SEC24D: variants seen among roughly 807,000 people sequenced by gnomAD.
SEC24D encodes protein transport protein Sec24D.
SEC24D carries 69 observed loss-of-function variants against 116.9 expected under a neutral mutation model. The ratio of observed to expected loss-of-function variants is 0.59; its 90% CI spans 0.49 to 0.72. The LOEUF (loss-of-function observed/expected upper bound fraction) is 0.72. Ranked by LOEUF, SEC24D falls within the 30% of genes least tolerant of loss-of-function variation. The probability of loss-of-function intolerance (pLI) is 0.00; values close to 1 mark genes in which losing one functional copy is unlikely to be tolerated. For synonymous variants in SEC24D, 405 were observed against 442.8 expected (o/e 0.91, Z 1.07); for missense variants, 1,131 against 1,264.1 (o/e 0.89, Z 1.60).
chr4:118,779,102 C>T (rs1560683309), intron 8 of SEC24D, among the ~76,000 whole-genome samples: 2 of 152,252 alleles, frequency 1.3e-5, no homozygotes, highest in East Asian at 3.9e-4. Context: ...ATTTCTTTCC[C>T]TTGCCTGATT....
intron 2 of SEC24D, among the ~76,000 whole-genome samples, chr4:118,833,059 G>A (rs917427903): frequency 2.0e-5 from 3 of 152,170 alleles, no homozygotes; most frequent in Non-Finnish European, 4.4e-5. Flanking sequence ...ACCCCTTGCT[G>A]ATTCTGCACT....
In SEC24D at chr4:118,779,012, TAG is replaced by T. The variant is rs574436285; in HGVS notation, c.1042-10703_1042-10702del. Among the ~76,000 whole-genome samples the T allele has an allele frequency of 7.3e-3, 1,118 of 152,328 alleles. 15 individuals carry two copies. Among genetic ancestry groups the T allele is most frequent in the African/African-American group, 0.025 (1,030 of 41,570 alleles). On this transcript the variant is annotated intron_variant, in intron 8 of 22. Transcript: ENST00000280551. ...TTAAGGAGATTTGGGGCTGAAATGA[TAG>T]AGTTTTCTAAATATACAATCATGTC...
At chr4:118,833,886 T>C (rs139186408) in intron 1 of SEC24D, 149 bp from the exon 2 acceptor site, 10 of 515,478 alleles carry the variant, frequency 1.9e-5, no homozygotes, top group African/African-American at 1.2e-4. Flanking sequence ...TTATACAATA[T>C]ATCATTATCC....
rs570427272 is a variant in SEC24D, at chr4:118,773,977, T to C, written c.1042-5666A>G. On this transcript the variant is annotated intron_variant, in intron 8 of 22. Coordinates refer to ENST00000280551, the MANE Select transcript of SEC24D (RefSeq NM_014822.4). ...TTCTGAATTAAAAAATAAAATCCTATCATGTGTCTTCTAAAAAGAAACAGC... is the reference window on the plus strand; with the variant it reads ...TTCTGAATTAAAAAATAAAATCCTACCATGTGTCTTCTAAAAAGAAACAGC... Among the ~76,000 whole-genome samples, 9 of 152,212 alleles carry C rather than the reference T, an allele frequency of 5.9e-5. No individual in the cohort carries two copies. In the South Asian group the frequency reaches 1.9e-3, roughly 32 times the overall value.
In SEC24D at chr4:118,768,174, A is replaced by T; in HGVS notation, c.1179T>A (p.Asp393Glu). 1 of 1,612,102 alleles carries T rather than the reference A, an allele frequency of 6.2e-7. No individual in the cohort carries two copies. The highest frequency in any genetic ancestry group is 8.5e-7 in the Non-Finnish European group (1 of 1,179,184). The change falls in exon 9 of 23, where the codon GAT becomes GAA. Residue 393 changes from aspartate to glutamate, a missense_variant and splice_region_variant. By Grantham distance (45) the Asp-to-Glu change is conservative (BLOSUM62 2). Coordinates refer to ENST00000280551, the MANE Select transcript of SEC24D (RefSeq NM_014822.4). ...AGAGCTTTTAATGGCACTGCTTACC[A>T]TCATTCACACAGTTGCAAAATCCAC... ...YQCGFCNCVN[D>E]VPPFYFQHLD... is the part of the protein sequence containing the mutation.
At chr4:118,781,817 C>T (rs923900103) in intron 8 of SEC24D, among the ~76,000 whole-genome samples, 6 of 151,714 alleles carry the variant, frequency 4.0e-5, no homozygotes, top group African/African-American at 1.5e-4. Flanking sequence ...AAACTTCTCA[C>T]TTTATTTCAT....
rs188877721 is a variant in SEC24D at position 118,806,962 on chromosome 4, G to C, written c.802-1008C>G. Reference sequence around the variant, plus strand: ...TGATCGTGACACTGCATTCCAGCCTGGGCAACAGAGCAAGAGCCTATCTCA... The same window carrying C: ...TGATCGTGACACTGCATTCCAGCCTCGGCAACAGAGCAAGAGCCTATCTCA... On this transcript the variant is annotated intron_variant, in intron 6 of 22. Coordinates refer to ENST00000280551, the MANE Select transcript of SEC24D (RefSeq NM_014822.4). Among the ~76,000 whole-genome samples, 1,299 of 152,200 alleles carry C rather than the reference G, an allele frequency of 8.5e-3. 8 individuals are homozygous for C. Among genetic ancestry groups the C allele is most frequent in the Non-Finnish European group, 0.013 (872 of 68,020 alleles).
intron 22 of SEC24D, among the ~76,000 whole-genome samples, chr4:118,728,267 A>G (rs1274185049): frequency 1.6e-4 from 24 of 152,240 alleles, no homozygotes. Context: ...CACCAGAAGA[A>G]AAGTCACTTC....
At chr4:118,753,868 C>T (rs1469369892) in intron 11 of SEC24D, among the ~76,000 whole-genome samples, 1 of 152,130 alleles carries the variant, frequency 6.6e-6, no homozygotes, top group East Asian at 1.9e-4. Flanking sequence ...GTCAGCATAA[C>T]TTATTTTGAT....
chr4:118,773,736 T>C (rs1728013295), intron 8 of SEC24D, among the ~76,000 whole-genome samples: 1 of 152,234 alleles, frequency 6.6e-6, no homozygotes, highest in South Asian at 2.1e-4. Context: ...AGAGTCTGTA[T>C]CAACTGCATT....
chr4:118,831,802 GA>G (rs1291778050), intron 2 of SEC24D, among the ~76,000 whole-genome samples: 4 of 152,072 alleles, frequency 2.6e-5, no homozygotes, highest in African/African-American at 9.7e-5. Flanking sequence ...CCAGCTTAGG[GA>G]AAAATCTACA....
chr4:118,820,879 A>G (rs996055742), intron 3 of SEC24D, among the ~76,000 whole-genome samples: 3 of 152,206 alleles, frequency 2.0e-5, no homozygotes, highest in Non-Finnish European at 2.9e-5. Context: ...GAAAGAATTC[A>G]ATAAAGAATT....
chr4:118,800,411 G>A (rs1272954988), intron 7 of SEC24D, among the ~76,000 whole-genome samples: 1 of 152,016 alleles, frequency 6.6e-6, no homozygotes, highest in East Asian at 1.9e-4. Flanking sequence ...ACTTAAAAAA[G>A]CTTTTATTCT....
chr4:118,758,064 G>A (rs1217776073), intron 10 of SEC24D, among the ~76,000 whole-genome samples: 3 of 152,138 alleles, frequency 2.0e-5, no homozygotes, highest in Non-Finnish European at 1.5e-5. Context: ...GCTATGACCT[G>A]GGTTAGTATT....
At chr4:118,834,812 T>C (rs934540138) in intron 1 of SEC24D, among the ~76,000 whole-genome samples, 1 of 152,220 alleles carries the variant, frequency 6.6e-6, no homozygotes, top group Admixed American at 6.5e-5. Flanking sequence ...TTTGTTCTTT[T>C]ATTTGCTACA....
intron 10 of SEC24D, among the ~76,000 whole-genome samples, chr4:118,759,484 T>C (rs930117013): frequency 6.6e-6 from 1 of 152,226 alleles, no homozygotes; most frequent in African/African-American, 2.4e-5. Context: ...AAGCTTAACA[T>C]GTATGTACTC....
chr4:118,752,039 G>T lies in SEC24D; in HGVS notation c.1664C>A (p.Thr555Asn). 1 of 1,613,310 alleles carries T rather than the reference G, an allele frequency of 6.2e-7. No homozygotes were observed. The highest frequency in any genetic ancestry group is 8.5e-7 in the Non-Finnish European group (1 of 1,179,512). Residue 555 changes from threonine (T) to asparagine (N), a missense_variant, in exon 13 of 23, where the codon ACT (threonine) becomes AAT (asparagine). Transcript: ENST00000280551. ...DMFADSNENE[T>N]VFAPVIQAGM... ...AGCCTGGATGACAGGAGCAAAGACA[G>T]TCTCATTTTCATTAGAGTCTGCAAA...
chr4:118,726,676 A>G (rs1725429749), intron 22 of SEC24D, among the ~76,000 whole-genome samples: 1 of 152,204 alleles, frequency 6.6e-6, no homozygotes, highest in Admixed American at 6.5e-5. Flanking sequence ...AGGAGAGAGA[A>G]TAAAAAACAT....
At chr4:118,732,640 G>T in intron 20 of SEC24D, 93 bp downstream of exon 20, 2 of 1,237,958 alleles carry the variant, frequency 1.6e-6, no homozygotes, top group Non-Finnish European at 2.3e-6. Context: ...TTCCTCTTAA[G>T]AACAACATAT....
Sources: allele counts gnomAD v4.1 joint callset (sites outside exome capture counted in the v4.1 genomes callset), GRCh38; gene constraint gnomAD v4.1.1; transcripts MANE v1.5; gene names NCBI Gene and HGNC (gene_info 2026-07-23, HGNC 2026-07-21).